Variants in FRMD4A observed in about 807,000 individuals in gnomAD.
FRMD4A encodes FERM domain containing 4A.
A neutral mutation model predicts 129.1 loss-of-function variants in FRMD4A; 29 were observed. The ratio of observed to expected loss-of-function variants is 0.22; its 90% confidence interval spans 0.17 to 0.31. The LOEUF (loss-of-function observed/expected upper bound fraction) is 0.31. Ranked by LOEUF, FRMD4A falls within the 10% of genes least tolerant of loss-of-function variation. FRMD4A has a pLI of 1.00. For missense variants in FRMD4A, 1,272 were observed against 1,375.8 expected (o/e 0.92, Z 1.19); for synonymous variants, 634 against 571.6 (o/e 1.11, Z -1.56).
Position 14,209,018 on chromosome 10 carries a change from T to C in FRMD4A, c.45+121040A>G, listed in dbSNP as rs551443406. On this transcript the variant is annotated intron_variant, in intron 2 of 24. Coordinates refer to ENST00000357447, the MANE Select transcript of FRMD4A (RefSeq NM_018027.5). ...GCTGTGGGAGAGGTCAGGCACTGTA[T>C]ACCTTCCCACCATCTGTGAATGGTT... Among the ~76,000 whole-genome samples the C allele has an allele frequency of 5.3e-5, 8 of 152,216 alleles. No individual in the cohort carries two copies. The South Asian group carries it at 1.5e-3, about 28-fold the overall frequency.
At chr10:14,143,247 T>A (rs534060542) in intron 2 of FRMD4A, among the ~76,000 whole-genome samples, 1 of 152,158 alleles carries the variant, frequency 6.6e-6, no homozygotes, top group African/African-American at 2.4e-5. Flanking sequence ...CACCAACAGA[T>A]GAACGAATAA....
At chr10:13,897,030 C>T (rs931210045) in intron 2 of FRMD4A, among the ~76,000 whole-genome samples, 2 of 152,116 alleles carry the variant, frequency 1.3e-5, no homozygotes, top group African/African-American at 2.4e-5. Flanking sequence ...TTTTATTATG[C>T]CCCATTGTTC....
intron 2 of FRMD4A, among the ~76,000 whole-genome samples, chr10:13,974,162 A>C (rs1176164117): frequency 6.6e-6 from 1 of 152,080 alleles, no homozygotes; most frequent in East Asian, 1.9e-4. Flanking sequence ...TCTACGACGA[A>C]GTAAAGTGAC....
At chr10:13,841,418 C>T (rs1364570021) in intron 3 of FRMD4A, among the ~76,000 whole-genome samples, 1 of 152,204 alleles carries the variant, frequency 6.6e-6, no homozygotes, top group Non-Finnish European at 1.5e-5. Context: ...GGGGACTGAT[C>T]AGCAGAAAGA....
At chr10:13,715,721 C>G (rs1386214690) in intron 12 of FRMD4A, among the ~76,000 whole-genome samples, 2 of 152,076 alleles carry the variant, frequency 1.3e-5, no homozygotes, top group African/African-American at 2.4e-5. Context: ...GCCTGGCCAA[C>G]ATGGTGAAAC....
intron 2 of FRMD4A, among the ~76,000 whole-genome samples, chr10:13,981,558 G>T (rs1021333891): frequency 9.2e-5 from 14 of 151,752 alleles, no homozygotes; most frequent in African/African-American, 3.4e-4. Flanking sequence ...GGCCAACGTG[G>T]TGAAACCCCG....
In FRMD4A at chr10:14,242,791, T is replaced by C. The variant is rs150704748; in HGVS notation, c.45+87267A>G. 1.8e-3 allele frequency among the ~76,000 whole-genome samples: 268 copies of C among 151,954 alleles called. 2 individuals carry two copies. Among genetic ancestry groups the C allele is most frequent in the African/African-American group, 6.3e-3 (260 of 41,422 alleles). On this transcript the variant is annotated intron_variant, in intron 2 of 24. Transcript: ENST00000357447. The stretch of plus-strand genomic sequence containing the variant: ...AAGTCAAAGAGATTGCTGGTGAGAG[T>C]GAAAATGGTGCATTCACTGTGGAAA...
chr10:13,974,533 G>A (rs946319721), intron 2 of FRMD4A, among the ~76,000 whole-genome samples: 1 of 151,708 alleles, frequency 6.6e-6, no homozygotes, highest in Non-Finnish European at 1.5e-5. Flanking sequence ...CTGATTGATT[G>A]ATTGATTGAT....
chr10:13,776,272 G>A (rs542072211), intron 6 of FRMD4A, among the ~76,000 whole-genome samples: 7 of 152,180 alleles, frequency 4.6e-5, no homozygotes, highest in East Asian at 3.9e-4. Context: ...CACCACACCC[G>A]ACTAATTTTT....
At chr10:13,796,697 C>A in intron 4 of FRMD4A, 109 bp from the exon 5 acceptor site, 1 of 644,526 alleles carries the variant, frequency 1.6e-6, no homozygotes, top group South Asian at 1.9e-5. Context: ...TAAATTTGAA[C>A]CTTCACCTTA....
chr10:14,131,398 C>CCCG lies in FRMD4A; in HGVS notation c.45+198659_45+198660insCGG, dbSNP rs911286394. 2.1e-4 allele frequency among the ~76,000 whole-genome samples: 31 copies of CCCG among 144,570 alleles called. No homozygotes were observed. The East Asian group carries it at 5.0e-3, about 23-fold the overall frequency. 94.8% of individuals were successfully genotyped at this position (144,570 alleles called of 152,430 possible). ...AGCTCCTTAGCCCAACTCACTGTGC[C>CCCG]CCCCCCGGCCGCCCTGTTGTCTCTA... On this transcript the variant is annotated intron_variant, in intron 2 of 24. Transcript: ENST00000357447.
chr10:13,997,813 G>C (rs1257022356), intron 2 of FRMD4A, among the ~76,000 whole-genome samples: 1 of 151,834 alleles, frequency 6.6e-6, no homozygotes, highest in Non-Finnish European at 1.5e-5. Context: ...ATGGGGTTTT[G>C]CCATGTTGCC....
At chr10:13,755,158 CAAAA>C (rs372802414) in intron 8 of FRMD4A, among the ~76,000 whole-genome samples, 264 of 152,162 alleles carry the variant, frequency 1.7e-3, no homozygotes, top group African/African-American at 5.8e-3. Context: ...TTATATTACT[CAAAA>C]AAAGTCTTTT....
intron 16 of FRMD4A, 76 bp from the exon 17 acceptor site, chr10:13,670,604 C>G: frequency 7.0e-7 from 1 of 1,430,344 alleles, no homozygotes. Context: ...CACACACACA[C>G]GCACATACAC....
chr10:14,139,518 T>C (rs1839726821), intron 2 of FRMD4A, among the ~76,000 whole-genome samples: 1 of 152,144 alleles, frequency 6.6e-6, no homozygotes, highest in Admixed American at 6.6e-5. Flanking sequence ...GGCTCAACCA[T>C]GGCTCTCTAC....
intron 8 of FRMD4A, among the ~76,000 whole-genome samples, chr10:13,757,448 A>G (rs926367037): frequency 2.0e-5 from 3 of 152,264 alleles, no homozygotes; most frequent in Non-Finnish European, 2.9e-5. Flanking sequence ...TGTGGTCTGT[A>G]TCTCTTCTAT....
At chr10:14,107,671 A>G (rs1837658030) in intron 2 of FRMD4A, among the ~76,000 whole-genome samples, 2 of 152,190 alleles carry the variant, frequency 1.3e-5, no homozygotes, top group African/African-American at 4.8e-5. Context: ...GTGTGTATAT[A>G]TTCATATCTT....
At chr10:14,026,529 T>C (rs1832993478) in intron 2 of FRMD4A, among the ~76,000 whole-genome samples, 1 of 152,172 alleles carries the variant, frequency 6.6e-6, no homozygotes, top group Non-Finnish European at 1.5e-5. Flanking sequence ...AGGTGTCTCT[T>C]GTTAGGAACG....
chr10:14,326,053 T>A (rs994677168), intron 2 of FRMD4A: 2 of 152,222 alleles, frequency 1.3e-5, no homozygotes, highest in African/African-American at 4.8e-5. Flanking sequence ...AAAATATGAC[T>A]CTCAGTAATT....
Sources: allele counts gnomAD v4.1 joint callset (sites outside exome capture counted in the v4.1 genomes callset), GRCh38; gene constraint gnomAD v4.1.1; transcripts MANE v1.5; gene names NCBI Gene and HGNC (gene_info 2026-07-23, HGNC 2026-07-21).